SCFD2: variants seen among roughly 807,000 people sequenced by gnomAD.
SCFD2 encodes the protein sec1 family domain containing 2.
SCFD2 carries 54 observed loss-of-function variants against 58.9 expected under a neutral mutation model. The observed-to-expected ratio is 0.92, with a 90% CI of 0.74 to 1.15. The LOEUF (loss-of-function observed/expected upper bound fraction) is 1.15, where lower values mean the gene tolerates loss of function less well. Among genes scored for constraint, SCFD2 ranks in the 50% most tolerant of loss-of-function variants. The pLI, the probability that SCFD2 is intolerant of heterozygous loss-of-function variation, is 0.00. For synonymous variants in SCFD2, 321 were observed against 335.9 expected (o/e 0.96, Z 0.49); for missense variants, 805 against 836.6 (o/e 0.96, Z 0.47).
chr4:53,227,387 A>G (rs1729252434), intron 4 of SCFD2, among the ~76,000 whole-genome samples: 1 of 152,208 alleles, frequency 6.6e-6, no homozygotes, highest in African/African-American at 2.4e-5. Context: ...TCACAAAGAA[A>G]TTTAGATCTT....
intron 2 of SCFD2, among the ~76,000 whole-genome samples, chr4:53,320,280 T>C (rs1473281339): frequency 2.0e-5 from 3 of 152,230 alleles, no homozygotes; most frequent in African/African-American, 7.2e-5. Flanking sequence ...TGAACTAAAA[T>C]GCCAATTTCT....
intron 4 of SCFD2, among the ~76,000 whole-genome samples, chr4:53,208,385 T>C (rs1339185623): frequency 6.6e-6 from 1 of 152,176 alleles, no homozygotes; most frequent in African/African-American, 2.4e-5. Flanking sequence ...CAATGATCTA[T>C]ACATATTTAC....
At chr4:53,248,345 G>A (rs533673421) in intron 4 of SCFD2, among the ~76,000 whole-genome samples, 13 of 152,324 alleles carry the variant, frequency 8.5e-5, no homozygotes, top group African/African-American at 2.9e-4. Flanking sequence ...GAGGATGGGG[G>A]AGGGGCGCCC....
At chr4:52,968,667 A>G (rs2109548660) in intron 5 of SCFD2, among the ~76,000 whole-genome samples, 1 of 152,314 alleles carries the variant, frequency 6.6e-6, no homozygotes. Flanking sequence ...TTATACTTCT[A>G]TCACTGCAAG....
At chr4:53,252,134 AT>A (rs1193160325) in intron 4 of SCFD2, among the ~76,000 whole-genome samples, 1 of 145,896 alleles carries the variant, frequency 6.9e-6, no homozygotes, top group Non-Finnish European at 1.5e-5. Context: ...CCCATTCACA[AT>A]TGCTTCAAAG....
intron 4 of SCFD2, among the ~76,000 whole-genome samples, chr4:53,255,326 G>T (rs573177700): frequency 6.6e-6 from 1 of 151,922 alleles, no homozygotes; most frequent in South Asian, 2.1e-4. Context: ...AGTGAACAAC[G>T]GTCTCTGGTT....
chr4:53,226,369 A>G (rs1386165984), intron 4 of SCFD2, among the ~76,000 whole-genome samples: 1 of 152,156 alleles, frequency 6.6e-6, no homozygotes, highest in Non-Finnish European at 1.5e-5. Flanking sequence ...CTACTAGAAA[A>G]TACTGATAAA....
chr4:53,189,391 T>C (rs1727828494), intron 4 of SCFD2, among the ~76,000 whole-genome samples: 1 of 152,312 alleles, frequency 6.6e-6, no homozygotes, highest in Middle Eastern at 3.4e-3. Context: ...GAAAGTTAGA[T>C]GGTTGTCCCT....
At chr4:53,104,641 G>A (rs2148878599) in intron 5 of SCFD2, among the ~76,000 whole-genome samples, 1 of 152,122 alleles carries the variant, frequency 6.6e-6, no homozygotes, top group East Asian at 1.9e-4. Flanking sequence ...ACTGGATACA[G>A]GTTATATGGA....
At chr4:53,044,796 T>C (rs981183627) in intron 5 of SCFD2, among the ~76,000 whole-genome samples, 4 of 151,646 alleles carry the variant, frequency 2.6e-5, no homozygotes, top group African/African-American at 7.3e-5. Context: ...CATCTTTACA[T>C]AGTGAGTCAA....
chr4:53,342,713 G>A (rs1415899996), intron 2 of SCFD2, among the ~76,000 whole-genome samples: 3 of 152,114 alleles, frequency 2.0e-5, no homozygotes, highest in African/African-American at 4.8e-5. Flanking sequence ...TGGAAGTAAA[G>A]CACTCCTCAG....
chr4:52,994,282 C>G lies in SCFD2; in HGVS notation c.1562-73412G>C, dbSNP rs184962635. On this transcript the variant is annotated intron_variant, in intron 5 of 8. Transcript: ENST00000401642. ...TACTACTTCAGTTTTCTTCAAAACT[C>G]TAACATTTCACTAGCCTCTTATACT... Among the ~76,000 whole-genome samples, 499 of 152,328 alleles carry G rather than the reference C, an allele frequency of 3.3e-3. 3 individuals are homozygous for G. The highest frequency in any genetic ancestry group is 0.014 in the Middle Eastern group (4 of 294).
chr4:53,247,414 G>A (rs1225888125), intron 4 of SCFD2, among the ~76,000 whole-genome samples: 1 of 152,022 alleles, frequency 6.6e-6, no homozygotes, highest in Non-Finnish European at 1.5e-5. Flanking sequence ...AATATAAATT[G>A]TTCTATCATA....
chr4:53,281,506 A>G (rs1731508513), intron 3 of SCFD2, among the ~76,000 whole-genome samples: 1 of 152,260 alleles, frequency 6.6e-6, no homozygotes, highest in African/African-American at 2.4e-5. Context: ...TTAATTCAAC[A>G]GTTGACACAA....
intron 2 of SCFD2, among the ~76,000 whole-genome samples, chr4:53,351,356 C>T (rs1560461598): frequency 6.6e-6 from 1 of 152,260 alleles, no homozygotes; most frequent in African/African-American, 2.4e-5. Flanking sequence ...GCCACTTCCT[C>T]AAGGTCTACA....
At chr4:52,880,621 A>G (rs1718587358) in intron 8 of SCFD2, among the ~76,000 whole-genome samples, 1 of 151,542 alleles carries the variant, frequency 6.6e-6, no homozygotes. Context: ...TGTCTCAAAA[A>G]AAAAAAAAAA....
intron 5 of SCFD2, among the ~76,000 whole-genome samples, chr4:52,994,986 C>A (rs1327920293): frequency 6.6e-6 from 1 of 152,124 alleles, no homozygotes; most frequent in Non-Finnish European, 1.5e-5. Flanking sequence ...TACCACAGAG[C>A]AGCAGGGATC....
chr4:53,154,907 A>C lies in SCFD2; in HGVS notation c.1312-9325T>G, dbSNP rs539544049. On this transcript the variant is annotated intron_variant, in intron 4 of 8. Coordinates refer to ENST00000401642, the MANE Select transcript of SCFD2 (RefSeq NM_152540.4). ...GCTTTGAAGATGGAAGAAGAAGGCC[A>C]TGAGCCATGGAATGCAGGGGGCCTG... Among the ~76,000 whole-genome samples the C allele has an allele frequency of 3.3e-5, 5 of 152,358 alleles. No homozygotes were observed. The East Asian group carries it at 7.7e-4, about 24-fold the overall frequency.
chr4:53,125,039 T>C (rs529466021), intron 5 of SCFD2, among the ~76,000 whole-genome samples: 1 of 152,244 alleles, frequency 6.6e-6, no homozygotes, highest in Admixed American at 6.5e-5. Flanking sequence ...TGTGGATAAA[T>C]TTCAACCCTG....
Sources: allele counts gnomAD v4.1 joint callset (sites outside exome capture counted in the v4.1 genomes callset), GRCh38; gene constraint gnomAD v4.1.1; transcripts MANE v1.5; gene names NCBI Gene and HGNC (gene_info 2026-07-23, HGNC 2026-07-21).